EFCAB6: variants seen among roughly 807,000 people sequenced by gnomAD.
EFCAB6 encodes the protein EF-hand calcium-binding domain-containing protein 6.
Under a neutral mutation model 169.8 loss-of-function variants are expected in EFCAB6, and 156 were observed. The observed-to-expected ratio is 0.92, with a 90% CI of 0.81 to 1.05. The LOEUF (loss-of-function observed/expected upper bound fraction) is 1.05, where lower values mean the gene tolerates loss of function less well. Ranked by LOEUF, EFCAB6 falls within the 50% of genes least tolerant of loss-of-function variation. The probability of loss-of-function intolerance (pLI) is 0.00; values close to 1 mark genes in which losing one functional copy is unlikely to be tolerated. For synonymous variants in EFCAB6, 698 were observed against 676.4 expected (o/e 1.03, Z -0.50); for missense variants, 1,800 against 1,829.1 (o/e 0.98, Z 0.29).
chr22:43,679,705 C>T (rs752929621), intron 12 of EFCAB6, among the ~76,000 whole-genome samples: 7 of 152,068 alleles, frequency 4.6e-5, no homozygotes, highest in Non-Finnish European at 8.8e-5. Context: ...TATCTCGTGG[C>T]TTTGAGTTTC....
intron 20 of EFCAB6, among the ~76,000 whole-genome samples, chr22:43,619,281 G>C (rs779985320): frequency 3.3e-5 from 5 of 152,168 alleles, no homozygotes; most frequent in African/African-American, 9.7e-5. Context: ...ACCACAGAAG[G>C]CACGTTAGGA....
intron 22 of EFCAB6, among the ~76,000 whole-genome samples, chr22:43,601,785 C>T (rs1471427771): frequency 6.6e-6 from 1 of 152,224 alleles, no homozygotes; most frequent in Non-Finnish European, 1.5e-5. Context: ...CTTGCAGAGG[C>T]TCTCAGGAGT....
chr22:43,723,424 C>T (rs1396279375), intron 8 of EFCAB6, among the ~76,000 whole-genome samples: 1 of 152,090 alleles, frequency 6.6e-6, no homozygotes, highest in African/African-American at 2.4e-5. Flanking sequence ...ACATGTACCC[C>T]TGTATCTAAA....
At chr22:43,558,412 T>A (rs2048830422) in intron 26 of EFCAB6, among the ~76,000 whole-genome samples, 1 of 136,780 alleles carries the variant, frequency 7.3e-6, no homozygotes. Flanking sequence ...GCATACCTCA[T>A]TTTTTTTTTT....
intron 2 of EFCAB6, among the ~76,000 whole-genome samples, chr22:43,783,229 T>C (rs1309176345): frequency 1.3e-5 from 2 of 152,174 alleles, no homozygotes; most frequent in Admixed American, 6.5e-5. Flanking sequence ...CATGGCTACC[T>C]GAATAGGTGG....
At position 43,711,405 on chromosome 22, in the gene EFCAB6, C is replaced by T. The variant is rs550930774; in HGVS notation, c.1031+70G>A. The T allele has an allele frequency of 1.8e-5, 25 of 1,408,548 alleles. No individual in the cohort carries two copies. The South Asian group carries it at 2.1e-4, about 12-fold the overall frequency. The allele number at this position is 1,408,548 out of a possible 1,614,324, so 87.3% of individuals were successfully genotyped here. On this transcript the variant is annotated intron_variant, in intron 10 of 31. Transcript: ENST00000262726. Reference sequence around the variant, plus strand: ...GTCTAAAACATTAATAAAAAATAAACGAAGCTGTGCCTTATTCTTACGGTT... The same window carrying T: ...GTCTAAAACATTAATAAAAAATAAATGAAGCTGTGCCTTATTCTTACGGTT...
rs555014756 is a variant in EFCAB6, at chr22:43,540,559, CAA to C, written c.3649-204_3649-203del. On this transcript the variant is annotated intron_variant, in intron 27 of 31. Coordinates refer to ENST00000262726, the MANE Select transcript of EFCAB6 (RefSeq NM_022785.4). Reference sequence around the variant, plus strand: ...CAGGAAGACTCTGGAAAAGCAAAGACAAGAGGATTATTCATGGCTTCTGCAGG... The same window carrying C: ...CAGGAAGACTCTGGAAAAGCAAAGACGAGGATTATTCATGGCTTCTGCAGG... 5,013 of 1,516,982 alleles carry C rather than the reference CAA, an allele frequency of 3.3e-3. 26 individuals are homozygous for C. The highest frequency in any genetic ancestry group is 7.5e-3 in the Middle Eastern group (44 of 5,906). 94.0% of individuals were successfully genotyped at this position (1,516,982 alleles called of 1,614,324 possible). A position where few individuals can be genotyped will look rare whatever the true frequency, so the allele number is the denominator to read the frequency against.
At chr22:43,534,606 G>A (rs2047278141) in intron 30 of EFCAB6, 82 bp downstream of exon 30, 4 of 1,331,214 alleles carry the variant, frequency 3.0e-6, no homozygotes, top group Non-Finnish European at 1.0e-6. Context: ...GGGCAATAGA[G>A]TAAGACCCTG....
chr22:43,606,135 A>G (rs2052903094), intron 22 of EFCAB6, among the ~76,000 whole-genome samples: 1 of 152,204 alleles, frequency 6.6e-6, no homozygotes, highest in Non-Finnish European at 1.5e-5. Flanking sequence ...CTCCAAATGT[A>G]TTCTCTCTCT....
Position 43,528,781 on chromosome 22 carries a change from A to C in EFCAB6, c.*72T>G, listed in dbSNP as rs2046887407. On this transcript the variant is annotated 3_prime_UTR_variant, in exon 32 of 32. Coordinates refer to ENST00000262726, the MANE Select transcript of EFCAB6 (RefSeq NM_022785.4). The stretch of plus-strand genomic sequence containing the variant: ...TTTTTTGAAAATTCATGAAACCCCC[A>C]AATTATAGGATTTTATTAGCCTTGA... 1 of 1,475,984 alleles carries C rather than the reference A, an allele frequency of 6.8e-7. No individual in the cohort carries two copies. Among genetic ancestry groups the C allele is most frequent in the Non-Finnish European group, 9.1e-7 (1 of 1,097,452 alleles). The allele number at this position is 1,475,984 out of a possible 1,614,324, so 91.4% of individuals were successfully genotyped here. A position where few individuals can be genotyped will look rare whatever the true frequency, so the allele number is the denominator to read the frequency against.
At chr22:43,677,781 T>G (rs2057829256) in intron 13 of EFCAB6, among the ~76,000 whole-genome samples, 1 of 152,056 alleles carries the variant, frequency 6.6e-6, no homozygotes, top group African/African-American at 2.4e-5. Context: ...GGGATGGGTT[T>G]TCAGAAACGT....
At chr22:43,783,919 G>C (rs940622806) in intron 2 of EFCAB6, among the ~76,000 whole-genome samples, 1 of 151,996 alleles carries the variant, frequency 6.6e-6, no homozygotes, top group African/African-American at 2.4e-5. Flanking sequence ...AAATAAAGAA[G>C]ATTGACCAGG....
intron 20 of EFCAB6, among the ~76,000 whole-genome samples, chr22:43,620,074 T>A (rs1419244497): frequency 6.6e-6 from 1 of 152,146 alleles, no homozygotes; most frequent in East Asian, 1.9e-4. Flanking sequence ...TCCAAGCCCT[T>A]TGGGAGGCTG....
At chr22:43,789,196 T>C (rs1055849066) in intron 2 of EFCAB6, among the ~76,000 whole-genome samples, 1 of 152,164 alleles carries the variant, frequency 6.6e-6, no homozygotes, top group African/African-American at 2.4e-5. Context: ...TAGATAATGG[T>C]GATAGTTGCA....
intron 2 of EFCAB6, among the ~76,000 whole-genome samples, chr22:43,786,353 T>C (rs145112119): frequency 1.1e-4 from 17 of 151,798 alleles, no homozygotes; most frequent in African/African-American, 3.4e-4. Context: ...TTATGAAAAA[T>C]AGAAGAAAAA....
chr22:43,547,245 G>A (rs2048111834), intron 27 of EFCAB6, among the ~76,000 whole-genome samples: 1 of 152,092 alleles, frequency 6.6e-6, no homozygotes, highest in Non-Finnish European at 1.5e-5. Context: ...AGTAGGGCCG[G>A]GAAAGCTGCT....
intron 17 of EFCAB6, among the ~76,000 whole-genome samples, chr22:43,646,342 G>C (rs1479940897): frequency 6.6e-6 from 1 of 152,172 alleles, no homozygotes; most frequent in African/African-American, 2.4e-5. Context: ...TGTAAGTCCA[G>C]TTATGATCCC....
intron 9 of EFCAB6, among the ~76,000 whole-genome samples, chr22:43,714,114 A>G (rs982454934): frequency 6.6e-5 from 10 of 152,214 alleles, no homozygotes; most frequent in African/African-American, 2.4e-4. Context: ...AAAATAGAAA[A>G]TAAAAATAGC....
chr22:43,698,885 G>A (rs2058671163), intron 10 of EFCAB6, among the ~76,000 whole-genome samples: 2 of 152,208 alleles, frequency 1.3e-5, no homozygotes, highest in African/African-American at 2.4e-5. Context: ...AGTTTTAGCA[G>A]CTCAATTGTA....
Sources: allele counts gnomAD v4.1 joint callset (sites outside exome capture counted in the v4.1 genomes callset), GRCh38; gene constraint gnomAD v4.1.1; transcripts MANE v1.5; gene names NCBI Gene and HGNC (gene_info 2026-07-23, HGNC 2026-07-21).